TMEFF2: variants seen among roughly 807,000 people sequenced by gnomAD.
TMEFF2 encodes transmembrane protein with EGF like and two follistatin like domains 2.
A neutral mutation model predicts 53.8 loss-of-function variants in TMEFF2; 28 were observed. The ratio of observed to expected loss-of-function variants is 0.52; its 90% CI spans 0.39 to 0.71. The LOEUF is 0.71. TMEFF2 is among the 30% of genes least tolerant of loss of function. The pLI, the probability that TMEFF2 is intolerant of heterozygous loss-of-function variation, is 0.00. For missense variants in TMEFF2, 353 were observed against 455.2 expected (o/e 0.78, Z 2.04); for synonymous variants, 162 against 166.3 (o/e 0.97, Z 0.20).
At chr2:192,184,134 C>A (rs1691254118) in intron 3 of TMEFF2, among the ~76,000 whole-genome samples, 1 of 152,100 alleles carries the variant, frequency 6.6e-6, no homozygotes, top group Non-Finnish European at 1.5e-5. Context: ...GTACTTAAAT[C>A]TACCAGTGTC....
At chr2:191,977,312 C>T (rs1417608842) in intron 7 of TMEFF2, among the ~76,000 whole-genome samples, 7 of 152,194 alleles carry the variant, frequency 4.6e-5, no homozygotes, top group Non-Finnish European at 7.3e-5. Context: ...TGTACAGTCC[C>T]GCTGCAAAGG....
intron 4 of TMEFF2, among the ~76,000 whole-genome samples, chr2:192,130,995 C>T (rs565897648): frequency 2.6e-5 from 4 of 151,820 alleles, no homozygotes; most frequent in African/African-American, 9.7e-5. Flanking sequence ...TGTCAGACCA[C>T]GCAGGGACGC....
intron 4 of TMEFF2, among the ~76,000 whole-genome samples, chr2:192,107,734 GT>G (rs1484574864): frequency 6.6e-6 from 1 of 151,634 alleles, no homozygotes; most frequent in Non-Finnish European, 1.5e-5. Context: ...TAATTCAAGT[GT>G]TTTCTCCACG....
At chr2:191,989,053 A>C (rs1686044773) in intron 7 of TMEFF2, among the ~76,000 whole-genome samples, 1 of 152,204 alleles carries the variant, frequency 6.6e-6, no homozygotes, top group Non-Finnish European at 1.5e-5. Flanking sequence ...ATATGTTAAA[A>C]AATGCCTTTC....
chr2:192,109,872 C>G (rs998150039), intron 4 of TMEFF2, among the ~76,000 whole-genome samples: 4 of 152,070 alleles, frequency 2.6e-5, no homozygotes, highest in Non-Finnish European at 4.4e-5. Context: ...AGCAATTACA[C>G]TTCCAAGTCT....
intron 9 of TMEFF2, among the ~76,000 whole-genome samples, chr2:191,952,200 A>G (rs575486537): frequency 6.6e-6 from 1 of 152,328 alleles, no homozygotes; most frequent in South Asian, 2.1e-4. Context: ...CACATATACG[A>G]TACACACACA....
intron 7 of TMEFF2, among the ~76,000 whole-genome samples, chr2:191,986,105 T>C (rs1007796813): frequency 6.6e-6 from 1 of 152,188 alleles, no homozygotes. Flanking sequence ...TGCCATTGAG[T>C]GTTTTAATAG....
At chr2:192,143,472 C>G (rs1690183327) in intron 4 of TMEFF2, among the ~76,000 whole-genome samples, 1 of 152,050 alleles carries the variant, frequency 6.6e-6, no homozygotes, top group Non-Finnish European at 1.5e-5. Context: ...TTTATTTATG[C>G]AAACCCATAT....
Position 192,179,618 on chromosome 2 carries a change from T to A in TMEFF2, c.439+50A>T, listed in dbSNP as rs370199405. On this transcript the variant is annotated intron_variant, in intron 4 of 9. Transcript: ENST00000272771. ...TGGAACATACATAAGTAAATATACA[T>A]AATAATATCCACCAGTAAATCTTCA... 2.0e-5 allele frequency: 31 copies of A among 1,529,686 alleles called. No homozygotes were observed. In the Middle Eastern group the frequency reaches 5.1e-4, roughly 25 times the overall value. The allele number at this position is 1,529,686 out of a possible 1,614,324, so 94.8% of individuals were successfully genotyped here.
chr2:192,079,040 C>T (rs1688494218), intron 4 of TMEFF2, among the ~76,000 whole-genome samples: 1 of 152,120 alleles, frequency 6.6e-6, no homozygotes, highest in African/African-American at 2.4e-5. Flanking sequence ...AAGAGCTTGC[C>T]ATGTAGTTGC....
chr2:191,975,768 A>G (rs1293739711), intron 7 of TMEFF2, among the ~76,000 whole-genome samples: 2 of 152,160 alleles, frequency 1.3e-5, no homozygotes, highest in East Asian at 3.9e-4. Context: ...TTCCATGCCA[A>G]TTAAAGATGA....
At chr2:192,184,577 CTT>C in intron 2 of TMEFF2, 94 bp from the exon 3 acceptor site, 1 of 1,463,814 alleles carries the variant, frequency 6.8e-7, no homozygotes, top group Non-Finnish European at 9.3e-7. Context: ...AAAGAAACCA[CTT>C]GTCTTCATTT....
intron 3 of TMEFF2, 28 bp from the exon 4 acceptor site, chr2:192,179,722 G>A: frequency 6.6e-7 from 1 of 1,516,828 alleles, no homozygotes; most frequent in Non-Finnish European, 8.8e-7. Context: ...ATATTTGCTA[G>A]TAAAACATAT....
At chr2:192,031,671 A>G (rs941359968) in intron 5 of TMEFF2, 2 of 152,210 alleles carry the variant, frequency 1.3e-5, no homozygotes, top group Admixed American at 6.5e-5. Context: ...AGGTAACTCA[A>G]CTAAGGTCAA....
intron 7 of TMEFF2, among the ~76,000 whole-genome samples, chr2:191,980,801 CCTAT>C (rs961925972): frequency 2.6e-5 from 4 of 151,954 alleles, no homozygotes; most frequent in African/African-American, 7.3e-5. Flanking sequence ...TACTTTTTTC[CCTAT>C]CTATCTTAGG....
At chr2:192,144,914 A>T (rs2105993602) in intron 4 of TMEFF2, among the ~76,000 whole-genome samples, 1 of 152,078 alleles carries the variant, frequency 6.6e-6, no homozygotes, top group South Asian at 2.1e-4. Flanking sequence ...TTAATGTAAG[A>T]TTTGGGAGTT....
chr2:192,050,135 A>C (rs1198247980), intron 5 of TMEFF2, among the ~76,000 whole-genome samples: 2 of 152,220 alleles, frequency 1.3e-5, no homozygotes, highest in Non-Finnish European at 2.9e-5. Context: ...TATGATTTTG[A>C]TATAAAATAG....
intron 4 of TMEFF2, among the ~76,000 whole-genome samples, chr2:192,131,514 AC>A (rs1195100981): frequency 6.6e-6 from 1 of 150,672 alleles, no homozygotes; most frequent in East Asian, 2.0e-4. Flanking sequence ...TTATTTCCGC[AC>A]CCCGACCTCT....
At chr2:192,013,706 T>C (rs1473391006) in intron 5 of TMEFF2, among the ~76,000 whole-genome samples, 1 of 152,188 alleles carries the variant, frequency 6.6e-6, no homozygotes, top group African/African-American at 2.4e-5. Flanking sequence ...CGCCTTGGCC[T>C]CCCAAAGTGC....
Sources: allele counts gnomAD v4.1 joint callset (sites outside exome capture counted in the v4.1 genomes callset), GRCh38; gene constraint gnomAD v4.1.1; transcripts MANE v1.5; gene names NCBI Gene and HGNC (gene_info 2026-07-23, HGNC 2026-07-21).